Variants in ATXN7L2 observed in about 807,000 individuals in gnomAD.
ATXN7L2 encodes the protein ataxin-7-like protein 2.
ATXN7L2 carries 17 observed loss-of-function variants against 59.6 expected under a neutral mutation model. That is an observed-to-expected ratio of 0.29 (90% CI 0.20 to 0.43). The LOEUF is 0.43. Ranked by LOEUF, ATXN7L2 falls within the 20% of genes least tolerant of loss-of-function variation. The pLI is 1.00. For synonymous variants in ATXN7L2, 378 were observed against 392.5 expected, an observed-to-expected ratio of 0.96 and a Z score of 0.44; for missense variants, 858 against 1,008.9, an observed-to-expected ratio of 0.85 and a Z score of 2.03.
rs972978382 is a variant in ATXN7L2 at position 109,491,385 on chromosome 1, G to C, written c.1918G>C (p.Ala640Pro). ...CRGLSAKTKT[A>P]LSMGLNGTMG... ...GGGCCTCTCGGCCAAAACTAAAACAGCCCTGAGCATGGGGCTTAATGGGAC... is the reference window on the plus strand; with the variant it reads ...GGGCCTCTCGGCCAAAACTAAAACACCCCTGAGCATGGGGCTTAATGGGAC... The change falls in exon 10 of 11, where the codon GCC (alanine) becomes CCC (proline). Residue 640 changes from alanine (A) to proline (P), a missense_variant. Ala to Pro is a conservative substitution (Grantham distance 27). This residue lies in a region of ATXN7L2 where 734 missense variants were observed against 862.3 expected (regional missense o/e 0.85). Coordinates refer to ENST00000683729, the MANE Select transcript of ATXN7L2 (RefSeq NM_001350175.2). This position sits in a 1 kb window ranked among gnomAD's most constrained non-coding sequence, Gnocchi z 4.1. 6.2e-7 allele frequency: 1 copy of C among 1,614,150 alleles called. No individual in the cohort carries two copies. Among genetic ancestry groups the C allele is most frequent in the Non-Finnish European group, 8.5e-7 (1 of 1,180,052 alleles).
chr1:109,492,256 A>G (rs1657145737), intron 10 of ATXN7L2, among the ~76,000 whole-genome samples: 1 of 152,070 alleles, frequency 6.6e-6, no homozygotes, highest in East Asian at 1.9e-4. Flanking sequence ...GCCTGCAGCC[A>G]GTTTTATTTG....
In ATXN7L2 at chr1:109,486,354, C is replaced by T. The variant is rs752848546; in HGVS notation, c.194-152C>T. The T allele has an allele frequency of 2.9e-5, 27 of 934,832 alleles. No individual in the cohort carries two copies. Among genetic ancestry groups the T allele is most frequent in the South Asian group, 7.1e-5 (4 of 56,428 alleles). The allele number at this position is 934,832 out of a possible 1,614,324, so 57.9% of individuals were successfully genotyped here. A position where few individuals can be genotyped will look rare whatever the true frequency, so the allele number is the denominator to read the frequency against. Reference sequence around the variant, plus strand: ...GTATACCCTTTGGGACTGCTTAGATCGAACTCTGGAAGCTGGAAGCATTCA... The same window carrying T: ...GTATACCCTTTGGGACTGCTTAGATTGAACTCTGGAAGCTGGAAGCATTCA... On this transcript the variant is annotated intron_variant, in intron 2 of 10. Coordinates refer to ENST00000683729, the MANE Select transcript of ATXN7L2 (RefSeq NM_001350175.2). This position sits in a 1 kb window ranked among gnomAD's most constrained non-coding sequence, Gnocchi z 4.3.
Position 109,486,206 on chromosome 1 carries a change from G to T in ATXN7L2, c.193+84G>T. 8 of 1,485,932 alleles carry T rather than the reference G, an allele frequency of 5.4e-6. No individual in the cohort carries two copies. The highest frequency in any genetic ancestry group is 7.2e-6 in the Non-Finnish European group (8 of 1,117,824). 92.0% of individuals were successfully genotyped at this position (1,485,932 alleles called of 1,614,324 possible). On this transcript the variant is annotated intron_variant, in intron 2 of 10. Transcript: ENST00000683729. This position sits in a 1 kb window ranked among gnomAD's most constrained non-coding sequence, Gnocchi z 4.3. ...TTCCACCACACTACAGAAGGAGGTG[G>T]CTGCTTGAAGCAGCTGTCTGGGGAC...
In ATXN7L2 at chr1:109,487,453, G is replaced by C. The variant is rs547277230; in HGVS notation, c.510-65G>C. 108 of 1,406,144 alleles carry C rather than the reference G, an allele frequency of 7.7e-5. No individual in the cohort carries two copies. The African/African-American group carries it at 1.4e-3, about 18-fold the overall frequency. 87.1% of individuals were successfully genotyped at this position (1,406,144 alleles called of 1,614,324 possible). On this transcript the variant is annotated intron_variant, in intron 4 of 10. Coordinates refer to ENST00000683729, the MANE Select transcript of ATXN7L2 (RefSeq NM_001350175.2). ...CTGGGAAAGAGATGGCTCTGGGCTA[G>C]AGTCCAGGCCCCAGGCCTCGCCTCC...
In ATXN7L2 at chr1:109,484,218, G is replaced by C. The variant is rs944512029; in HGVS notation, c.127+138G>C. 4 of 945,034 alleles carry C rather than the reference G, an allele frequency of 4.2e-6. No homozygotes were observed. The African/African-American group carries it at 6.9e-5, about 16-fold the overall frequency. The allele number at this position is 945,034 out of a possible 1,614,324, so 58.5% of individuals were successfully genotyped here. ...GCCCCCCAAACAAAGGACCCGCCGGGTCCTAGTGCCCGCCCGCTCCGTCAC... is the reference window on the plus strand; with the variant it reads ...GCCCCCCAAACAAAGGACCCGCCGGCTCCTAGTGCCCGCCCGCTCCGTCAC... On this transcript the variant is annotated intron_variant, in intron 1 of 10. Transcript: ENST00000683729.
At chr1:109,485,746 C>T (rs1346632640) in intron 1 of ATXN7L2, 18 of 1,063,016 alleles carry the variant, frequency 1.7e-5, no homozygotes, top group Non-Finnish European at 1.9e-5. Flanking sequence ...TAAACTGCAC[C>T]TTGAAGTGAA....
chr1:109,486,457 G>T lies in ATXN7L2; in HGVS notation c.194-49G>T, dbSNP rs779205485. ...TGGGAGTGCTCTCCGATCTTCCAGA[G>T]AAACCCTGGGATCTTCAGCCCCAGT... On this transcript the variant is annotated intron_variant, in intron 2 of 10. Coordinates refer to ENST00000683729, the MANE Select transcript of ATXN7L2 (RefSeq NM_001350175.2). The surrounding 1 kb of genome is among the most constrained non-coding windows in gnomAD (Gnocchi z 4.3). 45 of 1,514,412 alleles carry T rather than the reference G, an allele frequency of 3.0e-5. No homozygotes were observed. Among genetic ancestry groups the T allele is most frequent in the Non-Finnish European group, 4.0e-5 (44 of 1,097,002 alleles). The allele number at this position is 1,514,412 out of a possible 1,614,324, so 93.8% of individuals were successfully genotyped here.
At position 109,488,356 on chromosome 1, in the gene ATXN7L2, G is replaced by T; in HGVS notation, c.797-27G>T. ...TGTAAACTCCTGGAAATGGTCTTGA[G>T]GTTCATTGGAAGTGCTTTCCCCACA... On this transcript the variant is annotated intron_variant, in intron 5 of 10. Coordinates refer to ENST00000683729, the MANE Select transcript of ATXN7L2 (RefSeq NM_001350175.2). This position sits in a 1 kb window ranked among gnomAD's most constrained non-coding sequence, Gnocchi z 5.0. 6.4e-7 allele frequency: 1 copy of T among 1,574,176 alleles called. No homozygotes were observed. The highest frequency in any genetic ancestry group is 8.7e-7 in the Non-Finnish European group (1 of 1,154,226).
chr1:109,490,840 CAG>C, intron 9 of ATXN7L2, 80 bp from the exon 10 acceptor site: 4 of 1,433,022 alleles, frequency 2.8e-6, no homozygotes, highest in South Asian at 1.4e-5. Context: ...CTAGGTGGGG[CAG>C]AGAGACTGGA....
chr1:109,484,501 C>G (rs909981934), intron 1 of ATXN7L2, among the ~76,000 whole-genome samples: 1 of 150,578 alleles, frequency 6.6e-6, no homozygotes, highest in African/African-American at 2.4e-5. Context: ...TTGCCCCACA[C>G]CTCCTGCTCC....
At position 109,492,708 on chromosome 1, in the gene ATXN7L2, G is replaced by A; in HGVS notation, c.*108G>A. On this transcript the variant is annotated 3_prime_UTR_variant, in exon 11 of 11. Transcript: ENST00000683729. The stretch of plus-strand genomic sequence containing the variant: ...ATAACTTTATATTATTTTTTTTTAA[G>A]AAAAAAAGCTCTTTAAAATACCTCA... 2.2e-6 allele frequency: 3 copies of A among 1,338,842 alleles called. No individual in the cohort carries two copies. The highest frequency in any genetic ancestry group is 2.1e-6 in the Non-Finnish European group (2 of 971,126). The allele number at this position is 1,338,842 out of a possible 1,614,324, so 82.9% of individuals were successfully genotyped here.
rs577932027 is a variant in ATXN7L2 at position 109,486,139 on chromosome 1, A to G, written c.193+17A>G. On this transcript the variant is annotated intron_variant, in intron 2 of 10. Coordinates refer to ENST00000683729, the MANE Select transcript of ATXN7L2 (RefSeq NM_001350175.2). This position sits in a 1 kb window ranked among gnomAD's most constrained non-coding sequence, Gnocchi z 4.3. ...TTAAAGAAGGTGGGAGTCGACACACATTAGGGCTGGGACCCAGGGCAGACA... is the reference window on the plus strand; with the variant it reads ...TTAAAGAAGGTGGGAGTCGACACACGTTAGGGCTGGGACCCAGGGCAGACA... 2 of 1,572,930 alleles carry G rather than the reference A, an allele frequency of 1.3e-6. No homozygotes were observed. The highest frequency in any genetic ancestry group is 2.7e-5 in the African/African-American group (2 of 73,272).
chr1:109,490,998 A>G lies in ATXN7L2; in HGVS notation c.1531A>G (p.Thr511Ala), dbSNP rs1232828163. 22 of 1,612,998 alleles carry G rather than the reference A, an allele frequency of 1.4e-5. No homozygotes were observed. The Admixed American group carries it at 3.0e-4, about 22-fold the overall frequency. Reference sequence around the variant, plus strand: ...ATCTGCTCCCCTGAGCCCATCCTCTACAGGCACCTGCCCCCGCCTTCCAGG... The same window carrying G: ...ATCTGCTCCCCTGAGCCCATCCTCTGCAGGCACCTGCCCCCGCCTTCCAGG... ...PLSAPLSPSSTGTCPRLPGPT... is the reference protein window; with the variant it reads ...PLSAPLSPSSAGTCPRLPGPT... Residue 511 changes from threonine to alanine, a missense_variant, in exon 10 of 11, where the codon ACA becomes GCA. Coordinates refer to ENST00000683729, the MANE Select transcript of ATXN7L2 (RefSeq NM_001350175.2).
chr1:109,484,111 C>A, intron 1 of ATXN7L2, 31 bp downstream of exon 1: 1 of 1,464,676 alleles, frequency 6.8e-7, no homozygotes, highest in Non-Finnish European at 9.1e-7. Context: ...GTCCGGGGAC[C>A]CCATCACTAT....
chr1:109,485,386 CTT>C (rs1656506809), intron 1 of ATXN7L2: 1 of 985,392 alleles, frequency 1.0e-6, no homozygotes, highest in Non-Finnish European at 1.2e-6. Context: ...AGGGGAGGGA[CTT>C]GCATAGCTGA....
At position 109,492,658 on chromosome 1, in the gene ATXN7L2, G is replaced by C; in HGVS notation, c.*58G>C. ...CCAGCACCTCCTCCCCTCCAGATCCGGGCCCCAGGCTGCTGCCGCTTTTTA... is the reference window on the plus strand; with the variant it reads ...CCAGCACCTCCTCCCCTCCAGATCCCGGCCCCAGGCTGCTGCCGCTTTTTA... On this transcript the variant is annotated 3_prime_UTR_variant, in exon 11 of 11. Coordinates refer to ENST00000683729, the MANE Select transcript of ATXN7L2 (RefSeq NM_001350175.2). 2 of 1,600,782 alleles carry C rather than the reference G, an allele frequency of 1.2e-6. No individual in the cohort carries two copies. The highest frequency in any genetic ancestry group is 2.1e-4 in the Middle Eastern group (1 of 4,844).
Position 109,488,408 on chromosome 1 carries a change from G to T in ATXN7L2, c.822G>T (p.Gln274His), listed in dbSNP as rs760097795. 3.1e-6 allele frequency: 5 copies of T among 1,603,330 alleles called. No homozygotes were observed. Among genetic ancestry groups the T allele is most frequent in the Non-Finnish European group, 4.3e-6 (5 of 1,173,098 alleles). Residue 274 changes from glutamine (Q) to histidine (H), a missense_variant, in exon 6 of 11, where the codon CAG becomes CAT. Physicochemically the swap from Gln to His is conservative, Grantham distance 24 (BLOSUM62 0). Around this residue, in one of 3 missense-constraint regions of ATXN7L2, gnomAD observed 734 missense variants for 862.3 expected, o/e 0.85. Coordinates refer to ENST00000683729, the MANE Select transcript of ATXN7L2 (RefSeq NM_001350175.2). This position sits in a 1 kb window ranked among gnomAD's most constrained non-coding sequence, Gnocchi z 5.0. ...GGAAGGAGTGCGACCTCAACAGGCA[G>T]TGTGGGGTAATAAATCCAGAGACCA... ...MARKECDLNR[Q>H]CGVINPETKK...
At chr1:109,485,216 T>A in intron 1 of ATXN7L2, 1 of 946,246 alleles carries the variant, frequency 1.1e-6, no homozygotes, top group Non-Finnish European at 1.3e-6. Flanking sequence ...CAGAATTGAT[T>A]TTTTTTTTCC....
In ATXN7L2 at chr1:109,486,380, G is replaced by A; in HGVS notation, c.194-126G>A. ...GAACTCTGGAAGCTGGAAGCATTCA[G>A]CATGGAGCTTGTTATATCAGCGGGG... On this transcript the variant is annotated intron_variant, in intron 2 of 10. Transcript: ENST00000683729. The surrounding 1 kb of genome is among the most constrained non-coding windows in gnomAD (Gnocchi z 4.3). 2 of 969,290 alleles carry A rather than the reference G, an allele frequency of 2.1e-6. No individual in the cohort carries two copies. The highest frequency in any genetic ancestry group is 1.5e-6 in the Non-Finnish European group (1 of 653,920). The allele number at this position is 969,290 out of a possible 1,614,324, so 60.0% of individuals were successfully genotyped here. A position where few individuals can be genotyped will look rare whatever the true frequency, so the allele number is the denominator to read the frequency against.
Sources: gnomAD v4.1 joint callset for allele counts (sites outside exome capture counted in the v4.1 genomes callset) on GRCh38, gnomAD v4.1.1 for gene constraint, gnomAD v4.1.1 regional missense constraint, Gnocchi (gnomAD v3.1) non-coding constraint, MANE v1.5 for transcripts, NCBI Gene and HGNC (gene_info 2026-07-23, HGNC 2026-07-21) for gene names.